Variants in GCH1 observed in about 807,000 individuals in gnomAD.
GCH1 encodes the protein GTP cyclohydrolase 1, also known as GTP cyclohydrolase I.
Under a neutral mutation model 25.9 loss-of-function variants are expected in GCH1, and 5 were observed. The observed-to-expected ratio is 0.19, with a 90% CI of 0.10 to 0.41. The LOEUF (loss-of-function observed/expected upper bound fraction) is 0.41, where lower values mean the gene tolerates loss of function less well. Ranked by LOEUF, GCH1 falls within the 10% of genes least tolerant of loss-of-function variation. The pLI is 1.00. For missense variants in GCH1, 261 were observed against 336.5 expected (o/e 0.78, Z 1.75); for synonymous variants, 159 against 129.6 (o/e 1.23, Z -1.54).
intron 1 of GCH1, among the ~76,000 whole-genome samples, chr14:54,873,687 C>A (rs2140087955): frequency 6.6e-6 from 1 of 152,272 alleles, no homozygotes; most frequent in East Asian, 1.9e-4. Flanking sequence ...CACAGAAATA[C>A]AAACTACCAT....
intron 3 of GCH1, among the ~76,000 whole-genome samples, chr14:54,850,366 G>A (rs2039709755): frequency 7.1e-6 from 1 of 141,394 alleles, no homozygotes; most frequent in Non-Finnish European, 1.5e-5. Context: ...AGGCTGGAGT[G>A]CAATGGCACA....
intron 1 of GCH1, among the ~76,000 whole-genome samples, chr14:54,880,394 TTA>T (rs960101282): frequency 1.4e-4 from 20 of 140,804 alleles, no homozygotes; most frequent in Non-Finnish European, 2.7e-4. Flanking sequence ...ATAATATATA[TTA>T]TATAATACAT....
Position 54,843,281 on chromosome 14 carries a change from T to C in GCH1, c.*736A>G, listed in dbSNP as rs150176097. ...TAAAAAGGCAAAAGTATCTACACTC[T>C]AAATGATATTCTTATCAAGGCACAG... is the stretch of plus-strand genomic sequence containing the variant. On this transcript the variant is annotated 3_prime_UTR_variant, in exon 6 of 6. Coordinates refer to ENST00000491895, the MANE Select transcript of GCH1 (RefSeq NM_000161.3). 6.9e-4 allele frequency: 947 copies of C among 1,375,352 alleles called. 2 individuals are homozygous for C. The Middle Eastern group carries it at 8.1e-3, about 12-fold the overall frequency. 85.2% of individuals were successfully genotyped at this position (1,375,352 alleles called of 1,614,324 possible).
chr14:54,883,766 A>G (rs191374853), intron 1 of GCH1, among the ~76,000 whole-genome samples: 95 of 152,296 alleles, frequency 6.2e-4, no homozygotes, highest in South Asian at 2.1e-4. Flanking sequence ...ACAGTGGGCA[A>G]TTCTTCACTG....
chr14:54,862,203 T>A (rs9671850), intron 2 of GCH1, among the ~76,000 whole-genome samples: 40,095 of 150,884 alleles, frequency 0.27, 5,842 homozygotes, highest in East Asian at 0.36. Flanking sequence ...CAATTAATTT[T>A]AAAAAAAAAT....
chr14:54,890,772 C>T (rs868143911), intron 1 of GCH1, among the ~76,000 whole-genome samples: 11 of 152,142 alleles, frequency 7.2e-5, no homozygotes, highest in South Asian at 2.1e-4. Context: ...ATCTCTAAAC[C>T]AGCATGGACA....
In GCH1 at chr14:54,891,951, G is replaced by A. The variant is rs578091581; in HGVS notation, c.343+10370C>T. 4.7e-4 allele frequency among the ~76,000 whole-genome samples: 71 copies of A among 152,278 alleles called. 1 individual carries two copies. The highest frequency in any genetic ancestry group is 1.7e-3 in the African/African-American group (70 of 41,556). ...CTAAACCACAAGAGTAGTGACGTTG[G>A]CAATTCAGTTATGCCAAAGAGAAGC... On this transcript the variant is annotated intron_variant, in intron 1 of 5. Coordinates refer to ENST00000491895, the MANE Select transcript of GCH1 (RefSeq NM_000161.3).
intron 1 of GCH1, among the ~76,000 whole-genome samples, chr14:54,890,548 T>C (rs551854479): frequency 2.6e-5 from 4 of 152,310 alleles, no homozygotes; most frequent in African/African-American, 7.2e-5. Context: ...AGTAGCAACA[T>C]GTGTCAGGTT....
intron 5 of GCH1, among the ~76,000 whole-genome samples, chr14:54,844,509 G>T (rs1038456422): frequency 2.0e-5 from 3 of 152,212 alleles, no homozygotes; most frequent in Non-Finnish European, 4.4e-5. Flanking sequence ...TAGATCAAAA[G>T]AAAGTCAGAA....
At chr14:54,855,143 A>G (rs1045654872) in intron 3 of GCH1, among the ~76,000 whole-genome samples, 1 of 152,246 alleles carries the variant, frequency 6.6e-6, no homozygotes, top group African/African-American at 2.4e-5. Flanking sequence ...TTAGGTAGCT[A>G]TGAAAAGAAA....
chr14:54,877,262 C>G (rs919203019), intron 1 of GCH1, among the ~76,000 whole-genome samples: 4 of 152,244 alleles, frequency 2.6e-5, no homozygotes, highest in African/African-American at 9.6e-5. Flanking sequence ...TTATGGCATT[C>G]TGTTTCCTAC....
intron 3 of GCH1, among the ~76,000 whole-genome samples, chr14:54,857,391 A>G (rs1399003347): frequency 6.6e-6 from 1 of 152,222 alleles, no homozygotes; most frequent in Non-Finnish European, 1.5e-5. Flanking sequence ...TTTCCCATAA[A>G]GTGTTAATCA....
intron 2 of GCH1, among the ~76,000 whole-genome samples, chr14:54,861,050 T>C (rs2039889358): frequency 6.6e-6 from 1 of 152,128 alleles, no homozygotes; most frequent in Admixed American, 6.5e-5. Flanking sequence ...ATTAATAGAG[T>C]AAATGGTCAC....
rs967152964 is a variant in GCH1, at chr14:54,842,843, A to G, written c.*1174T>C. On this transcript the variant is annotated 3_prime_UTR_variant, in exon 6 of 6. Coordinates refer to ENST00000491895, the MANE Select transcript of GCH1 (RefSeq NM_000161.3). ...CATTAATAAGGCAACAGCTTCCAGG[A>G]TTAAAATACCTATACCATCTATACG... 2.4e-5 allele frequency: 10 copies of G among 417,124 alleles called. No homozygotes were observed. In the Admixed American group the frequency reaches 4.3e-4, roughly 18 times the overall value. The allele number at this position is 417,124 out of a possible 1,614,324, so 25.8% of individuals were successfully genotyped here. A position where few individuals can be genotyped will look rare whatever the true frequency, so the allele number is the denominator to read the frequency against.
chr14:54,875,611 T>G (rs1595001355), intron 1 of GCH1, among the ~76,000 whole-genome samples: 1 of 151,964 alleles, frequency 6.6e-6, no homozygotes, highest in African/African-American at 2.4e-5. Context: ...TACAATGAAC[T>G]CAAACAAATT....
chr14:54,875,660 G>A (rs1380787209), intron 1 of GCH1, among the ~76,000 whole-genome samples: 1 of 152,084 alleles, frequency 6.6e-6, no homozygotes, highest in African/African-American at 2.4e-5. Flanking sequence ...AAAAGTGGGT[G>A]AAGGATATGA....
chr14:54,901,875 C>T (rs943061969), intron 1 of GCH1, among the ~76,000 whole-genome samples: 21 of 152,310 alleles, frequency 1.4e-4, no homozygotes, highest in Admixed American at 3.9e-4. Flanking sequence ...TCCAGATACA[C>T]ACCCTGACAA....
intron 1 of GCH1, chr14:54,885,251 G>A: frequency 4.7e-6 from 1 of 213,142 alleles, no homozygotes; most frequent in Non-Finnish European, 9.7e-6. Context: ...CATAGACATG[G>A]CTGCAGCTTC....
Position 54,842,848 on chromosome 14 carries a change from A to AGGAGT in GCH1, c.*1168_*1169insACTCC. On this transcript the variant is annotated 3_prime_UTR_variant, in exon 6 of 6. Coordinates refer to ENST00000491895, the MANE Select transcript of GCH1 (RefSeq NM_000161.3). ...ATAAGGCAACAGCTTCCAGGATTAA[A>AGGAGT]ATACCTATACCATCTATACGGAGTT... The AGGAGT allele has an allele frequency of 2.4e-6, 1 of 418,160 alleles. No individual in the cohort carries two copies. 25.9% of individuals were successfully genotyped at this position (418,160 alleles called of 1,614,324 possible).
Sources: gnomAD v4.1 joint callset for allele counts (sites outside exome capture counted in the v4.1 genomes callset) on GRCh38, gnomAD v4.1.1 for gene constraint, MANE v1.5 for transcripts, NCBI Gene and HGNC (gene_info 2026-07-23, HGNC 2026-07-21) for gene names.